ATP6V1D: variants seen among roughly 807,000 people sequenced by gnomAD.
ATP6V1D encodes ATPase H+ transporting V1 subunit D, also known as V-type proton ATPase subunit D.
ATP6V1D carries 20 observed loss-of-function variants against 39.4 expected under a neutral mutation model. The ratio of observed to expected loss-of-function variants is 0.51; its 90% confidence interval spans 0.36 to 0.74. ATP6V1D has a LOEUF of 0.74. Among genes scored for constraint, ATP6V1D ranks in the 30% least tolerant of loss-of-function variants. The probability of loss-of-function intolerance (pLI) is 0.00; values close to 1 mark genes in which losing one functional copy is unlikely to be tolerated. For missense variants in ATP6V1D, 228 were observed against 291.6 expected (o/e 0.78, Z 1.59); for synonymous variants, 100 against 100.5 (o/e 0.99, Z 0.03).
In ATP6V1D at chr14:67,338,385, T is replaced by C; in HGVS notation, c.*236A>G. The stretch of plus-strand genomic sequence containing the variant: ...TGTAAATGGAGTATGATAACGCTTC[T>C]GCAAAGTAAATTCTGTAAGTTCCTG... On this transcript the variant is annotated 3_prime_UTR_variant, in exon 9 of 9. Transcript: ENST00000216442. The C allele has an allele frequency of 2.2e-6, 1 of 457,996 alleles. No individual in the cohort carries two copies. Among genetic ancestry groups the C allele is most frequent in the Non-Finnish European group, 3.9e-6 (1 of 259,428 alleles). 28.4% of individuals were successfully genotyped at this position (457,996 alleles called of 1,614,324 possible). A position where few individuals can be genotyped will look rare whatever the true frequency, so the allele number is the denominator to read the frequency against.
chr14:67,355,064 G>A (rs946843199), intron 1 of ATP6V1D, among the ~76,000 whole-genome samples: 1 of 151,914 alleles, frequency 6.6e-6, no homozygotes. Flanking sequence ...CGCCCACCTC[G>A]GCCTCACAAA....
At chr14:67,353,178 C>T in intron 1 of ATP6V1D, 138 bp from the exon 2 acceptor site, 1 of 638,022 alleles carries the variant, frequency 1.6e-6, no homozygotes, top group Admixed American at 2.7e-5. Context: ...TTGTAGCTGA[C>T]AGGTTTAACT....
At chr14:67,348,144 G>A (rs892927936) in intron 4 of ATP6V1D, among the ~76,000 whole-genome samples, 6 of 151,448 alleles carry the variant, frequency 4.0e-5, no homozygotes, top group East Asian at 1.9e-4. Flanking sequence ...GCGCAATCTC[G>A]GCTCACCACA....
rs1415520775 is a variant in ATP6V1D, at chr14:67,353,046, T to C, written c.42-6A>G. The C allele has an allele frequency of 6.3e-7, 1 of 1,590,726 alleles. No homozygotes were observed. Among genetic ancestry groups the C allele is most frequent in the East Asian group, 2.2e-5 (1 of 44,758 alleles). On this transcript the variant is annotated splice_polypyrimidine_tract_variant and splice_region_variant and intron_variant, in intron 1 of 8. Coordinates refer to ENST00000216442, the MANE Select transcript of ATP6V1D (RefSeq NM_015994.4). ...CCTTCATGATGGTCTGTGCCCTATA[T>C]AAACATAAACAAAGTTAAGACATCT...
intron 2 of ATP6V1D, among the ~76,000 whole-genome samples, chr14:67,351,912 A>C (rs533920361): frequency 8.6e-6 from 1 of 115,638 alleles, no homozygotes; most frequent in Admixed American, 9.9e-5. Flanking sequence ...AACCTCTACC[A>C]AAAAAAAAAA....
intron 7 of ATP6V1D, among the ~76,000 whole-genome samples, 174 bp from the exon 8 acceptor site, chr14:67,340,692 T>G (rs896926285): frequency 1.3e-5 from 2 of 152,010 alleles, no homozygotes; most frequent in African/African-American, 4.8e-5. Flanking sequence ...CCTCCCCCTC[T>G]CCCTCTCCCC....
At chr14:67,351,911 C>CAAAAAAAAAAAA (rs758907410) in intron 2 of ATP6V1D, among the ~76,000 whole-genome samples, 1 of 128,118 alleles carries the variant, frequency 7.8e-6, no homozygotes, top group Non-Finnish European at 1.6e-5. Flanking sequence ...GAACCTCTAC[C>CAAAAAAAAAAAA]AAAAAAAAAA....
intron 6 of ATP6V1D, 119 bp from the exon 7 acceptor site, chr14:67,343,557 TG>T: frequency 1.3e-6 from 1 of 762,084 alleles, no homozygotes; most frequent in East Asian, 2.6e-5. Flanking sequence ...AACTTCTTTT[TG>T]GCATGCTTAA....
At chr14:67,347,500 C>CTT (rs142554896) in intron 4 of ATP6V1D, 47 bp from the exon 5 acceptor site, 15,245 of 1,290,862 alleles carry the variant, frequency 0.012, 192 homozygotes, top group East Asian at 0.046. Context: ...TTTAAGTTCT[C>CTT]TCTTTTTTTT....
At position 67,349,148 on chromosome 14, in the gene ATP6V1D, A is replaced by G. The variant is rs768694190; in HGVS notation, c.240-44T>C. The stretch of plus-strand genomic sequence containing the variant: ...ACTTTATTTAGCAGACTCTTCAGAA[A>G]TAAACCTACAGGGACCCACTGGATA... On this transcript the variant is annotated intron_variant, in intron 3 of 8. Coordinates refer to ENST00000216442, the MANE Select transcript of ATP6V1D (RefSeq NM_015994.4). The G allele has an allele frequency of 2.5e-6, 4 of 1,576,356 alleles. No homozygotes were observed. The South Asian group carries it at 4.5e-5, about 18-fold the overall frequency.
intron 1 of ATP6V1D, among the ~76,000 whole-genome samples, chr14:67,358,096 G>A (rs2085697939): frequency 6.6e-6 from 1 of 152,038 alleles, no homozygotes; most frequent in Admixed American, 6.5e-5. Flanking sequence ...CATTTTAATG[G>A]CGGGGGCGGC....
intron 2 of ATP6V1D, 146 bp downstream of exon 2, chr14:67,352,777 A>G (rs1437711069): frequency 1.7e-6 from 1 of 599,046 alleles, no homozygotes; most frequent in African/African-American, 1.9e-5. Flanking sequence ...GAACTATTTG[A>G]TATTTGACAC....
chr14:67,347,028 C>G (rs2085623420), intron 5 of ATP6V1D, among the ~76,000 whole-genome samples: 1 of 152,052 alleles, frequency 6.6e-6, no homozygotes, highest in Admixed American at 6.6e-5. Context: ...GCTCTGTAGC[C>G]CAGGCTGGAG....
intron 1 of ATP6V1D, among the ~76,000 whole-genome samples, chr14:67,358,155 G>A (rs928635813): frequency 6.6e-6 from 1 of 152,128 alleles, no homozygotes; most frequent in Non-Finnish European, 1.5e-5. Flanking sequence ...ATTGCTAGAA[G>A]ATAAACTAGT....
At chr14:67,346,530 G>A (rs895259246) in intron 5 of ATP6V1D, among the ~76,000 whole-genome samples, 2 of 152,222 alleles carry the variant, frequency 1.3e-5, no homozygotes, top group Non-Finnish European at 2.9e-5. Context: ...GCCCAGGCTG[G>A]TCTCAAACTC....
chr14:67,342,350 A>G (rs922359023), intron 7 of ATP6V1D, among the ~76,000 whole-genome samples: 2 of 151,980 alleles, frequency 1.3e-5, no homozygotes, highest in African/African-American at 4.8e-5. Flanking sequence ...CTATTGGACC[A>G]TAACAAATAC....
At chr14:67,338,871 A>G (rs1460042699) in intron 8 of ATP6V1D, 109 bp from the exon 9 acceptor site, 1 of 873,680 alleles carries the variant, frequency 1.1e-6, no homozygotes, top group Non-Finnish European at 1.6e-6. Context: ...CTAGAAAAAA[A>G]CCTGGTACTT....
At chr14:67,348,093 AAG>A (rs926274793) in intron 4 of ATP6V1D, among the ~76,000 whole-genome samples, 3 of 150,802 alleles carry the variant, frequency 2.0e-5, no homozygotes, top group Admixed American at 2.0e-4. Context: ...TTTTTTTTTA[AAG>A]ATGAGTTTCG....
At chr14:67,340,873 G>A (rs1031705886) in intron 7 of ATP6V1D, among the ~76,000 whole-genome samples, 30 of 152,320 alleles carry the variant, frequency 2.0e-4, no homozygotes, top group Admixed American at 1.4e-3. Context: ...ACGGGGTTTC[G>A]CTGTGTTGGC....
Sources: gnomAD v4.1 joint callset for allele counts (sites outside exome capture counted in the v4.1 genomes callset) on GRCh38, gnomAD v4.1.1 for gene constraint, MANE v1.5 for transcripts, NCBI Gene and HGNC (gene_info 2026-07-23, HGNC 2026-07-21) for gene names.